The following PLIN3 variants were observed in gnomAD, a reference collection of about 807,000 sequenced individuals.
The protein encoded by PLIN3 is perilipin-3.
In PLIN3, 30 loss-of-function variants were observed where a neutral mutation model predicts 35.9. The ratio of observed to expected loss-of-function variants is 0.84; its 90% CI spans 0.62 to 1.13. The LOEUF is 1.13. Ranked by LOEUF, PLIN3 falls within the 50% of genes most tolerant of loss-of-function variation. The probability of loss-of-function intolerance (pLI) is 0.00; values close to 1 mark genes in which losing one functional copy is unlikely to be tolerated. For synonymous variants in PLIN3, 261 were observed against 262.5 expected, an observed-to-expected ratio of 0.99 and a Z score of 0.06; for missense variants, 603 against 596.9, an observed-to-expected ratio of 1.01 and a Z score of -0.11.
At chr19:4,852,403 C>A in intron 4 of PLIN3, 102 bp from the exon 5 acceptor site, 1 of 1,381,258 alleles carries the variant, frequency 7.2e-7, no homozygotes, top group Non-Finnish European at 9.8e-7. Context: ...GGAGCGCCAT[C>A]CCCCGGGTGA....
At chr19:4,857,566 C>T (rs1243800272) in intron 4 of PLIN3, among the ~76,000 whole-genome samples, 1 of 151,736 alleles carries the variant, frequency 6.6e-6, no homozygotes, top group Non-Finnish European at 1.5e-5. Flanking sequence ...GAGAACCTGT[C>T]TCAAAAAAAA....
Position 4,839,622 on chromosome 19 carries a change from G to A in PLIN3, c.961-86C>T, listed in dbSNP as rs541463567. ...TGAAGCCAGGGAAAGAGGGGAAGAG[G>A]GGTTCTACCACTGACCTTGGGGCAA... On this transcript the variant is annotated intron_variant, in intron 7 of 7. Coordinates refer to ENST00000221957, the MANE Select transcript of PLIN3 (RefSeq NM_005817.5). 7.3e-6 allele frequency: 8 copies of A among 1,091,204 alleles called. No individual in the cohort carries two copies. In the East Asian group the frequency reaches 2.1e-4, roughly 29 times the overall value. 67.6% of individuals were successfully genotyped at this position (1,091,204 alleles called of 1,614,324 possible).
At position 4,844,918 on chromosome 19, in the gene PLIN3, G is replaced by A. The variant is rs964802253; in HGVS notation, c.835-125C>T. The A allele has an allele frequency of 1.3e-5, 15 of 1,156,926 alleles. No individual in the cohort carries two copies. The East Asian group carries it at 3.9e-4, about 30-fold the overall frequency. 71.7% of individuals were successfully genotyped at this position (1,156,926 alleles called of 1,614,324 possible). ...ACAGTCTAGAAAAGAGAAAGGGAGG[G>A]AGGGAGGAAGGGTTTCCTGGCTACG... is the stretch of plus-strand genomic sequence containing the variant. On this transcript the variant is annotated intron_variant, in intron 6 of 7. Transcript: ENST00000221957.
Position 4,847,959 on chromosome 19 carries a change from G to A in PLIN3, c.635-69C>T, listed in dbSNP as rs2030164776. The A allele has an allele frequency of 7.5e-6, 8 of 1,072,732 alleles. No homozygotes were observed. The South Asian group carries it at 1.1e-4, about 14-fold the overall frequency. The allele number at this position is 1,072,732 out of a possible 1,614,324, so 66.5% of individuals were successfully genotyped here. Reference sequence around the variant, plus strand: ...CAGCTGGGCTCGTCCCATGCAGACAGTCCCAAGAATCACACTGTCCAGTTT... The same window carrying A: ...CAGCTGGGCTCGTCCCATGCAGACAATCCCAAGAATCACACTGTCCAGTTT... On this transcript the variant is annotated intron_variant, in intron 5 of 7. Transcript: ENST00000221957.
intron 7 of PLIN3, among the ~76,000 whole-genome samples, chr19:4,844,396 G>A (rs760129350): frequency 8.5e-5 from 13 of 152,250 alleles, no homozygotes; most frequent in Non-Finnish European, 1.5e-4. Flanking sequence ...AACCCAGGAG[G>A]TGGAGGTTGC....
At chr19:4,850,809 G>C (rs1326303775) in intron 5 of PLIN3, among the ~76,000 whole-genome samples, 1 of 151,458 alleles carries the variant, frequency 6.6e-6, no homozygotes, top group Non-Finnish European at 1.5e-5. Flanking sequence ...GACTTCAGGT[G>C]ATCTGCCCAC....
At chr19:4,851,770 T>C (rs55664305) in intron 5 of PLIN3, among the ~76,000 whole-genome samples, 33,441 of 151,546 alleles carry the variant, frequency 0.22, 3,962 homozygotes, top group South Asian at 0.37. Context: ...GAGGGACGGG[T>C]TCTGACTCAG....
At chr19:4,842,525 G>T (rs1042736066) in intron 7 of PLIN3, among the ~76,000 whole-genome samples, 1 of 150,228 alleles carries the variant, frequency 6.7e-6, no homozygotes, top group African/African-American at 2.5e-5. Flanking sequence ...GCTTGAACCC[G>T]GGAGGCAGAG....
At chr19:4,842,455 C>T (rs1400785682) in intron 7 of PLIN3, among the ~76,000 whole-genome samples, 1 of 151,526 alleles carries the variant, frequency 6.6e-6, no homozygotes, top group African/African-American at 2.4e-5. Flanking sequence ...ATCAAATTAG[C>T]TGGGCGTGGT....
At chr19:4,860,686 T>G (rs983698366) in intron 2 of PLIN3, among the ~76,000 whole-genome samples, 8 of 152,052 alleles carry the variant, frequency 5.3e-5, no homozygotes, top group East Asian at 3.9e-4. Flanking sequence ...TAATTATTTT[T>G]GGGGCCAGGA....
chr19:4,848,343 A>G (rs957365448), intron 5 of PLIN3, among the ~76,000 whole-genome samples: 1 of 152,166 alleles, frequency 6.6e-6, no homozygotes, highest in African/African-American at 2.4e-5. Context: ...CTGGGAGCAA[A>G]GGATTCTGCC....
rs2093625641 is a variant in PLIN3 at position 4,839,419 on chromosome 19, G to C, written c.1078C>G (p.Gln360Glu). The change falls in exon 8 of 8, where the codon CAG becomes GAG. Residue 360 changes from glutamine to glutamate, a missense_variant. Gln to Glu is a conservative substitution (Grantham distance 29). Coordinates refer to ENST00000221957, the MANE Select transcript of PLIN3 (RefSeq NM_005817.5). ...GLPTNVKDQV[Q>E]QARRQVEDLQ... Reference sequence around the variant, plus strand: ...TCCTCCACCTGGCGGCGGGCCTGCTGCACCTGGTCCTTCACATTGGTGGGG... The same window carrying C: ...TCCTCCACCTGGCGGCGGGCCTGCTCCACCTGGTCCTTCACATTGGTGGGG... The C allele has an allele frequency of 1.2e-6, 2 of 1,607,886 alleles. No homozygotes were observed. The highest frequency in any genetic ancestry group is 1.7e-6 in the Non-Finnish European group (2 of 1,175,288).
At chr19:4,865,716 A>ATT (rs1456656199) in intron 1 of PLIN3, among the ~76,000 whole-genome samples, 5 of 130,054 alleles carry the variant, frequency 3.8e-5, no homozygotes, top group Non-Finnish European at 3.3e-5. Flanking sequence ...GGTTCTTTCC[A>ATT]TTTTTTTTTT....
intron 7 of PLIN3, among the ~76,000 whole-genome samples, chr19:4,844,186 G>A (rs552957316): frequency 2.7e-4 from 41 of 152,140 alleles, no homozygotes; most frequent in African/African-American, 7.2e-4. Flanking sequence ...GCTAGGGGCC[G>A]GGCTCAGTAG....
chr19:4,861,290 A>C (rs1282934752), intron 2 of PLIN3, 39 bp downstream of exon 2: 15 of 1,575,798 alleles, frequency 9.5e-6, no homozygotes, highest in Non-Finnish European at 1.2e-5. Flanking sequence ...CACGGGAATC[A>C]CAGGGTCGGG....
intron 1 of PLIN3, among the ~76,000 whole-genome samples, chr19:4,864,098 A>AATAT (rs1172963843): frequency 8.0e-6 from 1 of 125,388 alleles, no homozygotes; most frequent in East Asian, 2.3e-4. Context: ...ACACCTGGCT[A>AATAT]GTGTGTGTGT....
intron 4 of PLIN3, among the ~76,000 whole-genome samples, chr19:4,857,312 C>G (rs1355675016): frequency 2.0e-5 from 3 of 151,706 alleles, no homozygotes; most frequent in Non-Finnish European, 4.4e-5. Context: ...GTGGATGCAC[C>G]TAGTCCCAGC....
chr19:4,846,264 G>A (rs1261484271), intron 6 of PLIN3, among the ~76,000 whole-genome samples: 2 of 150,602 alleles, frequency 1.3e-5, no homozygotes, highest in Admixed American at 6.7e-5. Flanking sequence ...AGAGGCTGCA[G>A]TGAGCCATGA....
chr19:4,860,259 T>G (rs540246352), intron 2 of PLIN3, among the ~76,000 whole-genome samples: 2 of 152,056 alleles, frequency 1.3e-5, no homozygotes, highest in South Asian at 2.1e-4. Context: ...CGGGCTGGAG[T>G]GCACTGATGC....
Sources: allele counts gnomAD v4.1 joint callset (sites outside exome capture counted in the v4.1 genomes callset), GRCh38; gene constraint gnomAD v4.1.1; transcripts MANE v1.5; gene names NCBI Gene and HGNC (gene_info 2026-07-23, HGNC 2026-07-21).